FMOD: variants seen among roughly 807,000 people sequenced by gnomAD.
The protein encoded by FMOD is KSPG fibromodulin.
Under a neutral mutation model 27.0 loss-of-function variants are expected in FMOD, and 15 were observed. That is an observed-to-expected ratio of 0.55 (90% CI 0.37 to 0.85). The LOEUF is 0.85. Ranked by LOEUF, FMOD falls within the 40% of genes least tolerant of loss-of-function variation. The pLI, the probability that FMOD is intolerant of heterozygous loss-of-function variation, is 0.00. For missense variants in FMOD, 460 were observed against 483.2 expected (o/e 0.95, Z 0.45); for synonymous variants, 210 against 214.0 (o/e 0.98, Z 0.16).
At chr1:203,348,926 C>A (rs1658945153) in intron 1 of FMOD, among the ~76,000 whole-genome samples, 1 of 152,186 alleles carries the variant, frequency 6.6e-6, no homozygotes, top group South Asian at 2.1e-4. Context: ...CTCCAAAGTG[C>A]CATCATCTGT....
rs934755725 is a variant in FMOD, at chr1:203,341,348, T to A, written c.*995A>T. ...GCTTGGATAAAAGGAGAGGACAAAC[T>A]GTGTTTCTCATACTTTAAAAACCAT... On this transcript the variant is annotated 3_prime_UTR_variant, in exon 3 of 3. Coordinates refer to ENST00000354955, the MANE Select transcript of FMOD (RefSeq NM_002023.5). 6.6e-6 allele frequency: 1 copy of A among 151,642 alleles called. No individual in the cohort carries two copies. Among genetic ancestry groups the A allele is most frequent in the South Asian group, 2.1e-4 (1 of 4,828 alleles). The allele number at this position is 151,642 out of a possible 1,614,324, so 9.4% of individuals were successfully genotyped here.
intron 2 of FMOD, among the ~76,000 whole-genome samples, chr1:203,346,889 C>T (rs1198752363): frequency 2.6e-5 from 4 of 152,188 alleles, no homozygotes; most frequent in Non-Finnish European, 5.9e-5. Context: ...TGACACATGA[C>T]CCCTTCATCT....
rs140370642 is a variant in FMOD at position 203,347,626 on chromosome 1, C to T, written c.645G>A (p.Val215=). The part of the protein sequence containing the change: ...LYLQHNEIQE[V]GSSMRGLRSL... The stretch of plus-strand genomic sequence containing the variant: ...ACCGGAGGCCCCTCATGGAACTGCC[C>T]ACTTCCTGGATCTCATTGTGTTGGA... Residue 215 remains valine (V), a synonymous_variant, in exon 2 of 3, where the codon GTG becomes GTA. Coordinates refer to ENST00000354955, the MANE Select transcript of FMOD (RefSeq NM_002023.5). 1.9e-6 allele frequency: 3 copies of T among 1,614,066 alleles called. No individual in the cohort carries two copies. Among genetic ancestry groups the T allele is most frequent in the Admixed American group, 1.7e-5 (1 of 60,002 alleles).
chr1:203,345,424 G>A (rs1571517739), intron 2 of FMOD, among the ~76,000 whole-genome samples: 1 of 152,180 alleles, frequency 6.6e-6, no homozygotes. Context: ...TCTTTCCCAT[G>A]ACAGCTGTTC....
At position 203,340,923 on chromosome 1, in the gene FMOD, G is replaced by A. The variant is rs1331334091; in HGVS notation, c.*1420C>T. Reference sequence around the variant, plus strand: ...AGGGATGTGATGGCATCTGGGCAGAGCCTATACTTGGGCTAACTCTCCTCC... The same window carrying A: ...AGGGATGTGATGGCATCTGGGCAGAACCTATACTTGGGCTAACTCTCCTCC... On this transcript the variant is annotated 3_prime_UTR_variant, in exon 3 of 3. Transcript: ENST00000354955. The A allele has an allele frequency of 2.6e-5, 4 of 152,260 alleles. No individual in the cohort carries two copies. The East Asian group carries it at 7.7e-4, about 29-fold the overall frequency. The allele number at this position is 152,260 out of a possible 1,614,324, so 9.4% of individuals were successfully genotyped here.
chr1:203,347,813 T>C lies in FMOD; in HGVS notation c.458A>G (p.Lys153Arg), dbSNP rs759624889. ...GTACAGCCTCTCCAGGTGCCTCAGC[T>C]TGGAGAAGACCTTCCTGCCCACCTT... ...SDKVGRKVFS[K>R]LRHLERLYLD... The change falls in exon 2 of 3, where the codon AAG (lysine) becomes AGG (arginine). Residue 153 changes from lysine to arginine, a missense_variant. Transcript: ENST00000354955. 6.2e-6 allele frequency: 10 copies of C among 1,613,912 alleles called. No homozygotes were observed. Among genetic ancestry groups the C allele is most frequent in the African/African-American group, 2.7e-5 (2 of 75,028 alleles).
At chr1:203,344,968 C>T (rs1037486150) in intron 2 of FMOD, among the ~76,000 whole-genome samples, 2 of 152,186 alleles carry the variant, frequency 1.3e-5, no homozygotes, top group South Asian at 2.1e-4. Context: ...ACAACAAAAA[C>T]TGCCTGTCAA....
In FMOD at chr1:203,342,439, CA is replaced by C; in HGVS notation, c.1034del (p.Leu345ArgfsTer50). 1 of 1,614,154 alleles carries C rather than the reference CA, an allele frequency of 6.2e-7. No individual in the cohort carries two copies. The highest frequency in any genetic ancestry group is 8.5e-7 in the Non-Finnish European group (1 of 1,180,000). Reference sequence around the variant, plus strand: ...CGTTCCCGTCCAGGCGCAGCACCTGCAGCTTGGAGAAGTTCACGACGTCCAC... The same window carrying C: ...CGTTCCCGTCCAGGCGCAGCACCTGCGCTTGGAGAAGTTCACGACGTCCAC... ...TVVDVVNFSK[L>X]QVLRLDGNEI... On this transcript the variant is annotated frameshift_variant, in exon 3 of 3. Transcript: ENST00000354955. LOFTEE classifies it high-confidence loss of function.
intron 2 of FMOD, among the ~76,000 whole-genome samples, chr1:203,344,054 T>G (rs375734174): frequency 6.6e-6 from 1 of 152,200 alleles, no homozygotes; most frequent in Non-Finnish European, 1.5e-5. Flanking sequence ...TCTGGAATAC[T>G]TTTGGATGTT....
At chr1:203,342,631 T>C in intron 2 of FMOD, 137 bp from the exon 3 acceptor site, 1 of 861,280 alleles carries the variant, frequency 1.2e-6, no homozygotes, top group South Asian at 1.7e-5. Context: ...TTTTCCAGGA[T>C]TGGAGTCATA....
chr1:203,347,212 G>A, intron 2 of FMOD, 80 bp downstream of exon 2: 1 of 1,492,204 alleles, frequency 6.7e-7, no homozygotes, highest in Non-Finnish European at 9.0e-7. Flanking sequence ...TATTTCTTTT[G>A]TTTTGCCACT....
intron 2 of FMOD, among the ~76,000 whole-genome samples, chr1:203,345,960 C>T (rs894393367): frequency 1.3e-5 from 2 of 151,168 alleles, no homozygotes; most frequent in African/African-American, 4.9e-5. Context: ...TAAAAAGACC[C>T]CAAAGAAAGA....
Position 203,347,386 on chromosome 1 carries a change from G to A in FMOD, c.885C>T (p.Leu295=), listed in dbSNP as rs1216437257. ...LASNTFNSSS[L]LELDLSYNQL... ...GGTTGTAGGAGAGGTCTAGCTCAAG[G>A]AGGCTGCTGGAATTGAAGGTGTTGG... Residue 295 remains leucine, a synonymous_variant, in exon 2 of 3, where the codon CTC becomes CTT. Transcript: ENST00000354955. 1.2e-6 allele frequency: 2 copies of A among 1,614,200 alleles called. No individual in the cohort carries two copies. The highest frequency in any genetic ancestry group is 1.7e-6 in the Non-Finnish European group (2 of 1,180,030).
At chr1:203,345,025 TG>T (rs1178912711) in intron 2 of FMOD, among the ~76,000 whole-genome samples, 5 of 152,212 alleles carry the variant, frequency 3.3e-5, no homozygotes, top group Admixed American at 2.6e-4. Flanking sequence ...TAGCTATCAT[TG>T]GTTTTTAAAT....
intron 2 of FMOD, among the ~76,000 whole-genome samples, chr1:203,346,859 A>G (rs1466037118): frequency 1.3e-5 from 2 of 151,970 alleles, no homozygotes; most frequent in Non-Finnish European, 2.9e-5. Context: ...ACTTCTCCGA[A>G]CTCATCTCTT....
In FMOD at chr1:203,340,794, G is replaced by A. The variant is rs1658781766; in HGVS notation, c.*1549C>T. ...CACATCGGAGCTCCTTTGTTGAAAT[G>A]AGCTGGTTTGGCTTTTGTGGATTCC... is the stretch of plus-strand genomic sequence containing the variant. On this transcript the variant is annotated 3_prime_UTR_variant, in exon 3 of 3. Transcript: ENST00000354955. 6.6e-6 allele frequency: 1 copy of A among 152,274 alleles called. No individual in the cohort carries two copies. The highest frequency in any genetic ancestry group is 1.9e-4 in the East Asian group (1 of 5,200). The allele number at this position is 152,274 out of a possible 1,614,324, so 9.4% of individuals were successfully genotyped here.
chr1:203,342,574 G>A, intron 2 of FMOD, 80 bp from the exon 3 acceptor site: 1 of 1,442,462 alleles, frequency 6.9e-7, no homozygotes, highest in Non-Finnish European at 9.5e-7. Context: ...TAGCCTTTGT[G>A]AAGCAGCTTA....
At chr1:203,346,627 A>G (rs1028000986) in intron 2 of FMOD, among the ~76,000 whole-genome samples, 3 of 151,704 alleles carry the variant, frequency 2.0e-5, no homozygotes, top group African/African-American at 7.3e-5. Context: ...GGGTCCTTGT[A>G]CTCCAGGAAG....
At position 203,347,983 on chromosome 1, in the gene FMOD, G is replaced by A. The variant is rs201142494; in HGVS notation, c.288C>T (p.Asn96=). The change falls in exon 2 of 3, where the codon AAC becomes AAT. Residue 96 remains asparagine (N), a synonymous_variant. Coordinates refer to ENST00000354955, the MANE Select transcript of FMOD (RefSeq NM_002023.5). ...FPTAMYCDNR[N]LKYLPFVPSR... ...AGGGAACGAAGGGCAGGTACTTGAG[G>A]TTGCGATTGTCACAGTACATGGCCG... is the stretch of plus-strand genomic sequence containing the variant. The A allele has an allele frequency of 6.2e-7, 1 of 1,604,128 alleles. No homozygotes were observed. The highest frequency in any genetic ancestry group is 1.3e-5 in the African/African-American group (1 of 74,834).
Sources: gnomAD v4.1 joint callset for allele counts (sites outside exome capture counted in the v4.1 genomes callset) on GRCh38, gnomAD v4.1.1 for gene constraint, MANE v1.5 for transcripts, NCBI Gene and HGNC (gene_info 2026-07-23, HGNC 2026-07-21) for gene names.